SENP7: variants seen among roughly 807,000 people sequenced by gnomAD.
The protein encoded by SENP7 is sentrin-specific protease 7.
SENP7 carries 64 observed loss-of-function variants against 141.2 expected under a neutral mutation model. The ratio of observed to expected loss-of-function variants is 0.45; its 90% CI spans 0.37 to 0.56. The LOEUF (loss-of-function observed/expected upper bound fraction) is 0.56. Ranked by LOEUF, SENP7 falls within the 20% of genes least tolerant of loss-of-function variation. SENP7 has a pLI of 0.00. For missense variants in SENP7, 1,025 were observed against 1,212.2 expected (o/e 0.85, Z 2.29); for synonymous variants, 382 against 426.4 (o/e 0.90, Z 1.28).
intron 11 of SENP7, chr3:101,357,296 G>A (rs1291529450): frequency 3.4e-6 from 2 of 593,166 alleles, no homozygotes; most frequent in Non-Finnish European, 6.3e-6. Context: ...CCACCGCGAG[G>A]AGTGGCATTG....
intron 3 of SENP7, among the ~76,000 whole-genome samples, chr3:101,489,453 G>A (rs1343704816): frequency 7.5e-6 from 1 of 133,380 alleles, no homozygotes; most frequent in East Asian, 2.3e-4. Flanking sequence ...TCAAAGTAAA[G>A]GGAAAGAGAC....
intron 4 of SENP7, among the ~76,000 whole-genome samples, chr3:101,446,226 T>G (rs1311564977): frequency 6.6e-6 from 1 of 152,200 alleles, no homozygotes; most frequent in East Asian, 1.9e-4. Context: ...TTCCTGAGGC[T>G]TCCCCAGAAA....
chr3:101,442,117 C>A (rs1249343506), intron 4 of SENP7, among the ~76,000 whole-genome samples: 1 of 152,082 alleles, frequency 6.6e-6, no homozygotes, highest in African/African-American at 2.4e-5. Flanking sequence ...AACATAAGAA[C>A]ATAAGAAACA....
At chr3:101,502,881 AT>A in intron 1 of SENP7, among the ~76,000 whole-genome samples, 1 of 151,906 alleles carries the variant, frequency 6.6e-6, no homozygotes, top group African/African-American at 2.4e-5. Flanking sequence ...GCAACACTGC[AT>A]TCCAGCCTGG....
chr3:101,466,984 C>G (rs1040423567), intron 3 of SENP7, among the ~76,000 whole-genome samples: 2 of 152,206 alleles, frequency 1.3e-5, no homozygotes, highest in Non-Finnish European at 2.9e-5. Flanking sequence ...CGCCCAAATA[C>G]TGCACTTTTC....
At chr3:101,352,726 G>C (rs975559304) in intron 11 of SENP7, among the ~76,000 whole-genome samples, 4 of 151,936 alleles carry the variant, frequency 2.6e-5, no homozygotes, top group Admixed American at 2.6e-4. Flanking sequence ...GGTATGGTCT[G>C]TGAGCACAAA....
At chr3:101,418,232 T>G (rs185419470) in intron 4 of SENP7, among the ~76,000 whole-genome samples, 114 of 152,234 alleles carry the variant, frequency 7.5e-4, no homozygotes, top group Non-Finnish European at 1.3e-3. Flanking sequence ...TTCTTAAGGC[T>G]ATACAGTCTT....
intron 3 of SENP7, among the ~76,000 whole-genome samples, chr3:101,472,047 G>A (rs1389004246): frequency 1.3e-5 from 2 of 152,242 alleles, no homozygotes; most frequent in African/African-American, 4.8e-5. Context: ...CTTTTACACT[G>A]TTGGTGGGAA....
chr3:101,376,154 C>T (rs1173110890), intron 6 of SENP7, among the ~76,000 whole-genome samples: 1 of 152,014 alleles, frequency 6.6e-6, no homozygotes, highest in Non-Finnish European at 1.5e-5. Context: ...TAGTCAAATT[C>T]ATACAGGCAG....
intron 4 of SENP7, among the ~76,000 whole-genome samples, chr3:101,444,054 AAAC>A (rs1382193934): frequency 2.8e-5 from 4 of 142,080 alleles, no homozygotes. Context: ...AGAAAAAAAC[AAAC>A]AACCCCATCA....
intron 17 of SENP7, among the ~76,000 whole-genome samples, chr3:101,336,771 A>T (rs1318851681): frequency 6.6e-6 from 1 of 152,222 alleles, no homozygotes; most frequent in Non-Finnish European, 1.5e-5. Context: ...CCAAGTTTCT[A>T]CTGTCTAAGA....
At chr3:101,346,771 G>C (rs572938918) in intron 13 of SENP7, among the ~76,000 whole-genome samples, 21 of 151,890 alleles carry the variant, frequency 1.4e-4, no homozygotes, top group African/African-American at 4.3e-4. Flanking sequence ...GGGTAGGAAG[G>C]GGGTGAGGGA....
In SENP7 at chr3:101,383,187, A is replaced by C. The variant is rs148991131; in HGVS notation, c.678-11061T>G. 1.8e-3 allele frequency among the ~76,000 whole-genome samples: 280 copies of C among 152,196 alleles called. 2 individuals are homozygous for C. The highest frequency in any genetic ancestry group is 6.8e-3 in the Middle Eastern group (2 of 294). Reference sequence around the variant, plus strand: ...GTGCCGTCTTCATGATAAGTGAGTGAGTTCTTGCTACATCTGGTTAAGAGT... The same window carrying C: ...GTGCCGTCTTCATGATAAGTGAGTGCGTTCTTGCTACATCTGGTTAAGAGT... On this transcript the variant is annotated intron_variant, in intron 6 of 23. Coordinates refer to ENST00000394095, the MANE Select transcript of SENP7 (RefSeq NM_020654.5).
At chr3:101,330,002 T>C (rs947241253) in intron 20 of SENP7, among the ~76,000 whole-genome samples, 1 of 149,258 alleles carries the variant, frequency 6.7e-6, no homozygotes, top group Non-Finnish European at 1.5e-5. Context: ...GTAGAATATA[T>C]AATGTGCTTA....
intron 3 of SENP7, among the ~76,000 whole-genome samples, chr3:101,463,735 T>C (rs2063667544): frequency 6.6e-6 from 1 of 151,750 alleles, no homozygotes; most frequent in Non-Finnish European, 1.5e-5. Flanking sequence ...TCACAAAAGA[T>C]GAGTATCAAG....
chr3:101,368,454 T>C (rs2060095076), intron 7 of SENP7, among the ~76,000 whole-genome samples: 1 of 151,456 alleles, frequency 6.6e-6, no homozygotes, highest in Non-Finnish European at 1.5e-5. Context: ...GAAACCATCA[T>C]TCTCAGCAAA....
rs575381274 is a variant in SENP7, at chr3:101,453,193, A to G, written c.284+5762T>C. Among the ~76,000 whole-genome samples, 946 of 152,310 alleles carry G rather than the reference A, an allele frequency of 6.2e-3. 11 individuals are homozygous for G. The highest frequency in any genetic ancestry group is 0.021 in the African/African-American group (883 of 41,566). The stretch of plus-strand genomic sequence containing the variant: ...ACCATCTCACACCAGTTAGAATGGC[A>G]ATCATTAAAAAGTCAGGAAACAACA... On this transcript the variant is annotated intron_variant, in intron 4 of 23. Transcript: ENST00000394095.
chr3:101,456,701 A>AT (rs1226539781), intron 4 of SENP7, among the ~76,000 whole-genome samples: 1 of 152,202 alleles, frequency 6.6e-6, no homozygotes, highest in Non-Finnish European at 1.5e-5. Context: ...AAAATTATTG[A>AT]TTGTTATCCC....
At chr3:101,493,760 A>G in intron 3 of SENP7, 113 bp downstream of exon 3, 1 of 593,534 alleles carries the variant, frequency 1.7e-6, no homozygotes, top group Non-Finnish European at 2.8e-6. Flanking sequence ...ATTAAATAAC[A>G]CAAGAAAACC....
Sources: gnomAD v4.1 joint callset for allele counts (sites outside exome capture counted in the v4.1 genomes callset) on GRCh38, gnomAD v4.1.1 for gene constraint, MANE v1.5 for transcripts, NCBI Gene and HGNC (gene_info 2026-07-23, HGNC 2026-07-21) for gene names.